Variants in TVP23A observed in about 807,000 individuals in gnomAD.
TVP23A encodes trans-golgi network vesicle protein 23 homolog A, also known as Golgi apparatus membrane protein TVP23 homolog A.
TVP23A carries 21 observed loss-of-function variants against 31.7 expected under a neutral mutation model. That is an observed-to-expected ratio of 0.66 (90% CI 0.47 to 0.95). The LOEUF is 0.95. Ranked by LOEUF, TVP23A falls within the 40% of genes least tolerant of loss-of-function variation. The probability of loss-of-function intolerance (pLI) is 0.00; values close to 1 mark genes in which losing one functional copy is unlikely to be tolerated. For missense variants in TVP23A, 279 were observed against 255.6 expected (o/e 1.09, Z -0.62); for synonymous variants, 104 against 96.0 (o/e 1.08, Z -0.49).
chr16:10,815,554 T>C (rs1306498763), intron 2 of TVP23A, among the ~76,000 whole-genome samples: 2 of 152,252 alleles, frequency 1.3e-5, no homozygotes, highest in Non-Finnish European at 2.9e-5. Flanking sequence ...TGAGACTTTA[T>C]GGATGGGCTG....
At chr16:10,783,392 T>C (rs1339306512) in intron 2 of TVP23A, among the ~76,000 whole-genome samples, 2 of 152,230 alleles carry the variant, frequency 1.3e-5, no homozygotes, top group South Asian at 2.1e-4. Flanking sequence ...TGTCCTTCAA[T>C]TGGCCAGGTG....
chr16:10,800,800 A>G (rs1272773065), intron 2 of TVP23A, among the ~76,000 whole-genome samples: 1 of 152,082 alleles, frequency 6.6e-6, no homozygotes, highest in Non-Finnish European at 1.5e-5. Context: ...CCTGGGCAAC[A>G]TGGCGAAACC....
chr16:10,800,778 G>A (rs1422658009), intron 2 of TVP23A, among the ~76,000 whole-genome samples: 1 of 152,148 alleles, frequency 6.6e-6, no homozygotes, highest in Non-Finnish European at 1.5e-5. Flanking sequence ...GAGCTCAGGA[G>A]TTCAAGACCA....
chr16:10,810,678 T>C (rs1350399845), intron 2 of TVP23A, among the ~76,000 whole-genome samples: 1 of 152,202 alleles, frequency 6.6e-6, no homozygotes, highest in Non-Finnish European at 1.5e-5. Context: ...TTCCTCTCCC[T>C]GCTTGAGCTA....
chr16:10,759,950 C>G (rs1596461629), downstream of TVP23A, among the ~76,000 whole-genome samples: 1 of 152,174 alleles, frequency 6.6e-6, no homozygotes, highest in African/African-American at 2.4e-5. The surrounding 1 kb of genome is among the most constrained non-coding windows in gnomAD (Gnocchi z 4.7). Context: ...GCTCCAGGTG[C>G]TAAGGAGTCA....
downstream of TVP23A, among the ~76,000 whole-genome samples, chr16:10,759,449 G>C (rs1334896341): frequency 6.6e-6 from 1 of 152,222 alleles, no homozygotes; most frequent in Admixed American, 6.5e-5. The surrounding 1 kb of genome is among the most constrained non-coding windows in gnomAD (Gnocchi z 4.7). Flanking sequence ...AAGTGTATTT[G>C]TCCTTAGGAA....
intron 2 of TVP23A, among the ~76,000 whole-genome samples, chr16:10,805,224 G>A (rs2033888621): frequency 6.6e-6 from 1 of 151,714 alleles, no homozygotes; most frequent in African/African-American, 2.4e-5. Flanking sequence ...TAGAGACAGG[G>A]TTTCACCATG....
rs1305337289 is a variant in TVP23A at position 10,773,432 on chromosome 16, TCGGAGAGA to T, written c.326_333del (p.Val109GlufsTer2). The T allele has an allele frequency of 1.2e-6, 2 of 1,602,002 alleles. No homozygotes were observed. Among genetic ancestry groups the T allele is most frequent in the Non-Finnish European group, 1.7e-6 (2 of 1,176,848 alleles). On this transcript the variant is annotated frameshift_variant and splice_region_variant, in exon 5 of 8. Transcript: ENST00000299866. LOFTEE classifies it high-confidence loss of function. ...TCAGCTTCTGTGGCAGCAATGCTAT[TCGGAGAGA>T]CCTGTTAAAGGAAAGTAATTCAAAT...
intron 2 of TVP23A, among the ~76,000 whole-genome samples, chr16:10,800,740 T>C (rs1428153558): frequency 3.3e-5 from 5 of 152,128 alleles, no homozygotes; most frequent in African/African-American, 1.2e-4. Context: ...TCCCAGCACT[T>C]TGGGAGGCTG....
chr16:10,773,539 T>A (rs1396921304), intron 4 of TVP23A, 98 bp from the exon 5 acceptor site: 1 of 1,402,928 alleles, frequency 7.1e-7, no homozygotes, highest in Non-Finnish European at 9.6e-7. Context: ...GATGCTTTTG[T>A]TGCTGTGGGA....
chr16:10,797,916 T>C (rs969159120), intron 2 of TVP23A, among the ~76,000 whole-genome samples: 2 of 151,970 alleles, frequency 1.3e-5, no homozygotes, highest in Non-Finnish European at 1.5e-5. Context: ...TTCTATTTTG[T>C]ATGTTTGGAA....
rs1047787523 is a variant in TVP23A at position 10,797,299 on chromosome 16, G to A, written c.89+20804C>T. Among the ~76,000 whole-genome samples the A allele has an allele frequency of 5.9e-5, 9 of 152,096 alleles. No individual in the cohort carries two copies. In the South Asian group the frequency reaches 8.3e-4, roughly 14 times the overall value. ...CCTTTGGGAGCCACTTTGGGAGGCC[G>A]AGACGGGCGGATCACCTGAGGTCGG... On this transcript the variant is annotated intron_variant, in intron 2 of 7. Transcript: ENST00000299866.
At chr16:10,808,495 C>G (rs1248943386) in intron 2 of TVP23A, 3 of 454,276 alleles carry the variant, frequency 6.6e-6, no homozygotes, top group Middle Eastern at 5.3e-4. Context: ...GAACAAGGAC[C>G]AACCAAGAAA....
intron 2 of TVP23A, among the ~76,000 whole-genome samples, chr16:10,806,912 C>G (rs1008078803): frequency 1.3e-4 from 20 of 152,284 alleles, no homozygotes; most frequent in African/African-American, 4.6e-4. Context: ...TTTCAAAATA[C>G]GTAATTCCGT....
exon 9 of TVP23A, chr16:10,761,239 C>T: frequency 1.2e-6 from 1 of 800,688 alleles, no homozygotes; most frequent in Non-Finnish European, 2.0e-6. Context: ...CAAACCCTAT[C>T]AGGGCAGAAA....
chr16:10,784,697 C>G (rs2032639686), intron 2 of TVP23A, among the ~76,000 whole-genome samples: 1 of 152,078 alleles, frequency 6.6e-6, no homozygotes, highest in Non-Finnish European at 1.5e-5. Flanking sequence ...AACACATATA[C>G]CACACTAATG....
intron 2 of TVP23A, among the ~76,000 whole-genome samples, chr16:10,813,999 CAAAAAAAAAAAAAAAA>C (rs201277067): frequency 0.019 from 920 of 49,568 alleles, 23 homozygotes; most frequent in East Asian, 0.045. Context: ...AACTCCATCT[CAAAAAAAAAAAAAAAA>C]AAAAAAAAAA....
chr16:10,799,119 CT>C (rs1169166217), intron 2 of TVP23A, among the ~76,000 whole-genome samples: 2 of 152,252 alleles, frequency 1.3e-5, no homozygotes, highest in Admixed American at 6.5e-5. Flanking sequence ...ACAGCTCCTC[CT>C]GCCCCAGTCA....
chr16:10,793,204 G>A (rs530822845), intron 2 of TVP23A, among the ~76,000 whole-genome samples: 7 of 152,234 alleles, frequency 4.6e-5, no homozygotes, highest in East Asian at 3.9e-4. Context: ...CAGGAGAATC[G>A]CTTGGAGGTT....
Sources: allele counts gnomAD v4.1 joint callset (sites outside exome capture counted in the v4.1 genomes callset), GRCh38; gene constraint gnomAD v4.1.1; non-coding constraint Gnocchi (gnomAD v3.1); transcripts MANE v1.5; gene names NCBI Gene and HGNC (gene_info 2026-07-23, HGNC 2026-07-21).